Variants in ITSN2 observed in about 807,000 individuals in gnomAD.
The protein encoded by ITSN2 is intersectin-2.
A neutral mutation model predicts 243.7 loss-of-function variants in ITSN2; 156 were observed. The observed-to-expected ratio is 0.64, with a 90% CI of 0.56 to 0.73. The LOEUF (loss-of-function observed/expected upper bound fraction) is 0.73, where lower values mean the gene tolerates loss of function less well. ITSN2 is among the 30% of genes least tolerant of loss of function. The pLI is 0.00. For missense variants in ITSN2, 1,801 were observed against 1,996.1 expected (o/e 0.90, Z 1.86); for synonymous variants, 703 against 699.9 (o/e 1.00, Z -0.07).
chr2:24,250,699 C>T (rs953999600), intron 25 of ITSN2, among the ~76,000 whole-genome samples: 6 of 152,212 alleles, frequency 3.9e-5, no homozygotes, highest in Non-Finnish European at 8.8e-5. Flanking sequence ...TAACCTATAA[C>T]GATTCAGCAT....
chr2:24,265,512 C>A (rs968330223), intron 20 of ITSN2, among the ~76,000 whole-genome samples: 5 of 152,280 alleles, frequency 3.3e-5, no homozygotes, highest in South Asian at 2.1e-4. Context: ...GGACTTTTTA[C>A]ATAGATTATC....
chr2:24,308,902 G>A (rs780060642), intron 7 of ITSN2, 146 bp from the exon 8 acceptor site: 20 of 611,496 alleles, frequency 3.3e-5, no homozygotes, highest in Admixed American at 6.4e-5. Context: ...GCTGGACAGC[G>A]GGGCTCGGTG....
chr2:24,229,997 G>A lies in ITSN2; in HGVS notation c.3578-8931C>T, dbSNP rs922651385. Among the ~76,000 whole-genome samples, 7 of 152,170 alleles carry A rather than the reference G, an allele frequency of 4.6e-5. 1 individual carries two copies. The highest frequency in any genetic ancestry group is 1.7e-4 in the African/African-American group (7 of 41,426). ...TCCTCGACATACTCAGAGCCTTGGT[G>A]ACCCAGTTCATTCTCATGGCTTATT... On this transcript the variant is annotated intron_variant, in intron 29 of 39. Coordinates refer to ENST00000355123, the MANE Select transcript of ITSN2 (RefSeq NM_006277.3).
chr2:24,321,128 T>C (rs1684525955), intron 2 of ITSN2, among the ~76,000 whole-genome samples: 6 of 152,228 alleles, frequency 3.9e-5, no homozygotes, highest in Admixed American at 3.9e-4. Context: ...TGTTCCAGAC[T>C]ATCTCTGAGG....
chr2:24,249,273 C>A lies in ITSN2; in HGVS notation c.3121-391G>T, dbSNP rs948003539. On this transcript the variant is annotated intron_variant, in intron 25 of 39. Transcript: ENST00000355123. The surrounding 1 kb of genome is among the most constrained non-coding windows in gnomAD (Gnocchi z 4.4). ...ATGTCAAGGTATACGTTATTTTGCT[C>A]CTGCTTTCTCTAAGGGATCCTGACT... Among the ~76,000 whole-genome samples, 2 of 152,128 alleles carry A rather than the reference C, an allele frequency of 1.3e-5. No individual in the cohort carries two copies. Among genetic ancestry groups the A allele is most frequent in the East Asian group, 3.9e-4 (2 of 5,194 alleles).
intron 1 of ITSN2, among the ~76,000 whole-genome samples, chr2:24,340,282 A>G (rs1040833582): frequency 2.0e-5 from 3 of 151,982 alleles, no homozygotes; most frequent in Admixed American, 2.0e-4. Flanking sequence ...GGAGTTTGAG[A>G]CCACCCTGGC....
Position 24,203,684 on chromosome 2 carries a change from G to C in ITSN2, c.5036C>G (p.Thr1679Ser). ...TRRLLLHEVPTGEVWVRFDLQ... is the reference protein window; with the variant it reads ...TRRLLLHEVPSGEVWVRFDLQ... ...GTCAAAACGGACCCAGACCTCCCCG[G>C]TGGGGACCTCATGCAGCAGCAGTCG... Residue 1679 changes from threonine (T) to serine (S), a missense_variant, in exon 40 of 40, where the codon ACC becomes AGC. Transcript: ENST00000355123. 6.2e-7 allele frequency: 1 copy of C among 1,614,150 alleles called. No homozygotes were observed. Among genetic ancestry groups the C allele is most frequent in the South Asian group, 1.1e-5 (1 of 91,074 alleles).
At chr2:24,329,196 T>C (rs1685501981) in intron 1 of ITSN2, among the ~76,000 whole-genome samples, 1 of 152,238 alleles carries the variant, frequency 6.6e-6, no homozygotes, top group African/African-American at 2.4e-5. Context: ...CCTGAATTCA[T>C]TATTCAGCTG....
intron 22 of ITSN2, among the ~76,000 whole-genome samples, chr2:24,259,325 TTCTTA>T (rs1261880198): frequency 1.3e-5 from 2 of 152,216 alleles, no homozygotes; most frequent in Admixed American, 6.5e-5. Flanking sequence ...TATCTCCTCT[TTCTTA>T]TATCTTAATT....
rs773571799 is a variant in ITSN2 at position 24,310,296 on chromosome 2, AAATC to A, written c.637_640del (p.Asp213Ter). On this transcript the variant is annotated frameshift_variant, in exon 7 of 40. Transcript: ENST00000355123. LOFTEE classifies it high-confidence loss of function. Reference sequence around the variant, plus strand: ...TAGCTATTCATACCTACTAGATCCTAAATCAATCAGAGACTGCGCTTTCTGTATA... The same window carrying A: ...TAGCTATTCATACCTACTAGATCCTAAATCAGAGACTGCGCTTTCTGTATA... 1.2e-6 allele frequency: 2 copies of A among 1,611,068 alleles called. No individual in the cohort carries two copies. Among genetic ancestry groups the A allele is most frequent in the Admixed American group, 1.7e-5 (1 of 59,862 alleles).
Position 24,298,802 on chromosome 2 carries a change from C to G in ITSN2, c.1357G>C (p.Glu453Gln). 1 of 1,589,822 alleles carries G rather than the reference C, an allele frequency of 6.3e-7. No homozygotes were observed. Among genetic ancestry groups the G allele is most frequent in the Non-Finnish European group, 8.5e-7 (1 of 1,173,552 alleles). The change falls in exon 13 of 40, where the codon GAA becomes CAA. Residue 453 changes from glutamate to glutamine, a missense_variant. This residue lies in a region of ITSN2 where 787 missense variants were observed against 803.9 expected (regional missense o/e 0.98). Transcript: ENST00000355123. ...TCTAAGCGACGTTGTCGTTCAAGTTCCTGTTTTGCTGCCTGAAAAAAAAAA... is the reference window on the plus strand; with the variant it reads ...TCTAAGCGACGTTGTCGTTCAAGTTGCTGTTTTGCTGCCTGAAAAAAAAAA... Reference protein sequence around the residue: ...DIERREAAKQELERQRRLEWE... With the variant: ...DIERREAAKQQLERQRRLEWE...
In ITSN2 at chr2:24,204,219, A is replaced by T; in HGVS notation, c.4936+26T>A. 6.2e-7 allele frequency: 1 copy of T among 1,612,250 alleles called. No homozygotes were observed. Among genetic ancestry groups the T allele is most frequent in the Non-Finnish European group, 8.5e-7 (1 of 1,179,102 alleles). On this transcript the variant is annotated intron_variant, in intron 39 of 39. Coordinates refer to ENST00000355123, the MANE Select transcript of ITSN2 (RefSeq NM_006277.3). This position sits in a 1 kb window ranked among gnomAD's most constrained non-coding sequence, Gnocchi z 5.1. The stretch of plus-strand genomic sequence containing the variant: ...GATCTAGGAAACTGGGAAAGCCTTT[A>T]GATCCCCTGGCTGAGCGACACTTAC...
intron 12 of ITSN2, among the ~76,000 whole-genome samples, chr2:24,299,075 G>A (rs1016773041): frequency 3.4e-5 from 5 of 147,358 alleles, no homozygotes; most frequent in Non-Finnish European, 4.4e-5. Context: ...TGTCACCCAG[G>A]CTGGAGTGCA....
At chr2:24,210,757 C>G in intron 34 of ITSN2, 23 bp downstream of exon 34, 2 of 1,606,776 alleles carry the variant, frequency 1.2e-6, no homozygotes, top group South Asian at 1.1e-5. Flanking sequence ...TGGAGGCGCA[C>G]GGCTTAACCA....
chr2:24,311,451 T>C (rs1377393901), intron 5 of ITSN2, among the ~76,000 whole-genome samples: 3 of 152,118 alleles, frequency 2.0e-5, no homozygotes, highest in East Asian at 3.9e-4. Flanking sequence ...GGTGCGATCA[T>C]AGCACAGTAC....
intron 8 of ITSN2, among the ~76,000 whole-genome samples, chr2:24,306,413 T>A (rs1682543176): frequency 6.6e-6 from 1 of 152,210 alleles, no homozygotes; most frequent in Admixed American, 6.5e-5. Flanking sequence ...TCTATCACCA[T>A]TAATTAGGTT....
chr2:24,275,661 A>G (rs1677915888), intron 18 of ITSN2, 52 bp downstream of exon 18: 2 of 1,455,476 alleles, frequency 1.4e-6, no homozygotes, highest in Admixed American at 4.0e-5. Flanking sequence ...ATGAGCAACA[A>G]AATTACAATT....
At chr2:24,234,674 T>A (rs1431554775) in intron 29 of ITSN2, among the ~76,000 whole-genome samples, 3 of 152,102 alleles carry the variant, frequency 2.0e-5, no homozygotes, top group African/African-American at 7.2e-5. Context: ...AATAAAAAAA[T>A]GGGCCAAAGA....
chr2:24,208,831 G>A (rs1221045660), intron 36 of ITSN2, among the ~76,000 whole-genome samples: 2 of 152,362 alleles, frequency 1.3e-5, no homozygotes, highest in African/African-American at 4.8e-5. Flanking sequence ...AGCCCCTGCA[G>A]GGACTGTAGC....
Sources: gnomAD v4.1 joint callset for allele counts (sites outside exome capture counted in the v4.1 genomes callset) on GRCh38, gnomAD v4.1.1 for gene constraint, gnomAD v4.1.1 regional missense constraint, Gnocchi (gnomAD v3.1) non-coding constraint, MANE v1.5 for transcripts, NCBI Gene and HGNC (gene_info 2026-07-23, HGNC 2026-07-21) for gene names.